AP3B1: variants seen among roughly 807,000 people sequenced by gnomAD.
AP3B1 encodes the protein AP-3 complex subunit beta-1.
A neutral mutation model predicts 132.5 loss-of-function variants in AP3B1; 61 were observed. The observed-to-expected ratio is 0.46, with a 90% CI of 0.37 to 0.57. AP3B1 has a LOEUF of 0.57. Among genes scored for constraint, AP3B1 ranks in the 20% least tolerant of loss-of-function variants. The pLI is 0.00. For missense variants in AP3B1, 1,120 were observed against 1,289.4 expected (o/e 0.87, Z 2.01); for synonymous variants, 388 against 438.3 (o/e 0.89, Z 1.43).
intron 26 of AP3B1, among the ~76,000 whole-genome samples, chr5:78,013,247 G>A (rs570105911): frequency 1.3e-5 from 2 of 152,152 alleles, no homozygotes; most frequent in African/African-American, 4.8e-5. Flanking sequence ...GTCTCCCTAT[G>A]TTGCCCAGTC....
intron 1 of AP3B1, among the ~76,000 whole-genome samples, chr5:78,271,838 G>A (rs1367530659): frequency 6.6e-6 from 1 of 152,120 alleles, no homozygotes; most frequent in Non-Finnish European, 1.5e-5. Context: ...TATAAAGAAG[G>A]CAATCAAAAT....
intron 2 of AP3B1, among the ~76,000 whole-genome samples, chr5:78,243,611 G>C (rs1173257927): frequency 6.6e-6 from 1 of 152,212 alleles, no homozygotes; most frequent in Non-Finnish European, 1.5e-5. Flanking sequence ...AGTATCGGGG[G>C]ATGAGAAGTG....
intron 2 of AP3B1, among the ~76,000 whole-genome samples, chr5:78,252,878 C>T (rs992658125): frequency 6.6e-6 from 1 of 152,216 alleles, no homozygotes; most frequent in Non-Finnish European, 1.5e-5. Context: ...GGGCCTTGAG[C>T]AAACATGGCA....
At chr5:78,007,685 T>C (rs1746454818) in intron 26 of AP3B1, among the ~76,000 whole-genome samples, 1 of 152,194 alleles carries the variant, frequency 6.6e-6, no homozygotes. Context: ...TGCCAAAGGA[T>C]TTAAAATTAT....
At chr5:78,227,270 A>G (rs1746434997) in intron 5 of AP3B1, 102 bp downstream of exon 5, 1 of 1,123,850 alleles carries the variant, frequency 8.9e-7, no homozygotes, top group Non-Finnish European at 1.3e-6. Flanking sequence ...TACTTAGTGT[A>G]AGAGCAGCCT....
chr5:78,040,290 G>A (rs1748021781), intron 22 of AP3B1, among the ~76,000 whole-genome samples: 1 of 152,034 alleles, frequency 6.6e-6, no homozygotes, highest in African/African-American at 2.4e-5. Flanking sequence ...CCCTACATGA[G>A]CTAATGAATA....
At chr5:78,179,877 A>G (rs1468054079) in intron 8 of AP3B1, among the ~76,000 whole-genome samples, 1 of 152,180 alleles carries the variant, frequency 6.6e-6, no homozygotes, top group Non-Finnish European at 1.5e-5. Context: ...TGACACAAAA[A>G]GTAAACCACC....
chr5:78,007,855 G>A (rs1746463079), intron 26 of AP3B1, among the ~76,000 whole-genome samples: 1 of 152,118 alleles, frequency 6.6e-6, no homozygotes, highest in South Asian at 2.1e-4. Flanking sequence ...GCATTTACAC[G>A]TGATTTAGTT....
intron 14 of AP3B1, among the ~76,000 whole-genome samples, chr5:78,155,444 G>C (rs191932646): frequency 1.3e-3 from 195 of 152,198 alleles, no homozygotes; most frequent in Non-Finnish European, 1.8e-3. Context: ...GCTTTTTTGT[G>C]TGTAATTAGT....
At chr5:78,089,118 T>C (rs1420977508) in intron 22 of AP3B1, 1 of 368,716 alleles carries the variant, frequency 2.7e-6, no homozygotes, top group Non-Finnish European at 5.1e-6. Context: ...ACTGCGTCAA[T>C]GTGGTGAAGA....
At chr5:78,203,319 A>G (rs1352664741) in intron 7 of AP3B1, among the ~76,000 whole-genome samples, 2 of 152,206 alleles carry the variant, frequency 1.3e-5, no homozygotes, top group Non-Finnish European at 2.9e-5. Flanking sequence ...ACTTACAATC[A>G]TGGAGGAAGG....
chr5:78,263,280 A>G (rs897125771), intron 2 of AP3B1, among the ~76,000 whole-genome samples: 5 of 152,104 alleles, frequency 3.3e-5, no homozygotes, highest in Admixed American at 6.5e-5. Context: ...ATAAATGAAT[A>G]TTTGTTTAAT....
intron 7 of AP3B1, among the ~76,000 whole-genome samples, chr5:78,207,257 CAAAAA>C (rs35228759): frequency 1.7e-5 from 2 of 116,132 alleles, no homozygotes. Flanking sequence ...GACTCAGTGT[CAAAAA>C]AAAAAAAAAA....
At chr5:78,200,339 T>C (rs915186962) in intron 7 of AP3B1, among the ~76,000 whole-genome samples, 1 of 152,146 alleles carries the variant, frequency 6.6e-6, no homozygotes, top group African/African-American at 2.4e-5. Context: ...GTTATGGTTT[T>C]TGAGGATAAA....
chr5:78,232,879 G>T (rs1262936439), intron 3 of AP3B1, among the ~76,000 whole-genome samples: 1 of 150,892 alleles, frequency 6.6e-6, no homozygotes, highest in Non-Finnish European at 1.5e-5. Context: ...GCTAATTTTT[G>T]TATTTTTAGT....
chr5:78,201,130 T>C (rs10042166), intron 7 of AP3B1, among the ~76,000 whole-genome samples: 56,385 of 151,948 alleles, frequency 0.37, 10,822 homozygotes, highest in African/African-American at 0.46. Context: ...CACTTCTAGA[T>C]ATCAGAACTG....
intron 7 of AP3B1, among the ~76,000 whole-genome samples, chr5:78,203,994 C>T (rs950248388): frequency 6.6e-6 from 1 of 152,086 alleles, no homozygotes; most frequent in Non-Finnish European, 1.5e-5. Context: ...CATTGTTTTC[C>T]TGGTTTCATT....
intron 26 of AP3B1, among the ~76,000 whole-genome samples, chr5:78,005,489 A>C (rs949243164): frequency 1.1e-4 from 17 of 152,236 alleles, no homozygotes; most frequent in African/African-American, 4.1e-4. Flanking sequence ...TTGAAATCCT[A>C]TTGCCACAAA....
At chr5:78,106,186 G>T (rs189750714) in intron 20 of AP3B1, among the ~76,000 whole-genome samples, 5 of 152,292 alleles carry the variant, frequency 3.3e-5, no homozygotes, top group Non-Finnish European at 7.4e-5. Context: ...GGCTGGGCAC[G>T]GTTGCCCATG....
Sources: allele counts gnomAD v4.1 joint callset (sites outside exome capture counted in the v4.1 genomes callset), GRCh38; gene constraint gnomAD v4.1.1; transcripts MANE v1.5; gene names NCBI Gene and HGNC (gene_info 2026-07-23, HGNC 2026-07-21).